IGF2BP2: variants seen among roughly 807,000 people sequenced by gnomAD.
IGF2BP2 encodes the protein insulin-like growth factor 2 mRNA-binding protein 2.
A neutral mutation model predicts 75.8 loss-of-function variants in IGF2BP2; 17 were observed. The observed-to-expected ratio is 0.22, with a 90% CI of 0.15 to 0.34. The LOEUF (loss-of-function observed/expected upper bound fraction) is 0.34, where lower values mean the gene tolerates loss of function less well. Ranked by LOEUF, IGF2BP2 falls within the 10% of genes least tolerant of loss-of-function variation. The pLI is 1.00. For synonymous variants in IGF2BP2, 288 were observed against 295.6 expected (o/e 0.97, Z 0.26); for missense variants, 516 against 772.4 (o/e 0.67, Z 3.93).
intron 2 of IGF2BP2, among the ~76,000 whole-genome samples, chr3:185,747,053 C>T (rs2149601971): frequency 6.6e-6 from 1 of 152,152 alleles, no homozygotes; most frequent in South Asian, 2.1e-4. Flanking sequence ...ACCTAGAAAA[C>T]TCCAAAACGA....
chr3:185,739,927 G>C (rs13077371), intron 2 of IGF2BP2, among the ~76,000 whole-genome samples: 110,618 of 143,432 alleles, frequency 0.77, 42,942 homozygotes, highest in African/African-American at 0.87. Context: ...ACAAATGCAG[G>C]TCACTGCAGC....
In IGF2BP2 at chr3:185,706,620, A is replaced by G. The variant is rs549699562; in HGVS notation, c.240-8273T>C. On this transcript the variant is annotated intron_variant, in intron 2 of 15. Transcript: ENST00000382199. ...GGATTCTATAAATCTTTTGGACAGA[A>G]TTGTAACAGGAAGGTTAAAACCATT... Among the ~76,000 whole-genome samples, 6 of 152,318 alleles carry G rather than the reference A, an allele frequency of 3.9e-5. No homozygotes were observed. The South Asian group carries it at 1.2e-3, about 32-fold the overall frequency.
Position 185,729,306 on chromosome 3 carries a change from A to C in IGF2BP2, c.240-30959T>G, listed in dbSNP as rs60293580. 1.2e-3 allele frequency among the ~76,000 whole-genome samples: 180 copies of C among 152,312 alleles called. 4 individuals are homozygous for C. The East Asian group carries it at 0.032, about 27-fold the overall frequency. On this transcript the variant is annotated intron_variant, in intron 2 of 15. Transcript: ENST00000382199. ...GTATGTCATTTGTACTTGACAGAAC[A>C]GACAGACAGTGATGACCATTCAGAT...
At chr3:185,821,638 T>A (rs1459775103) in intron 2 of IGF2BP2, among the ~76,000 whole-genome samples, 1 of 136,414 alleles carries the variant, frequency 7.3e-6, no homozygotes, top group Admixed American at 7.3e-5. Flanking sequence ...ATTCTAGTAA[T>A]TTTTTTTTTT....
intron 2 of IGF2BP2, among the ~76,000 whole-genome samples, chr3:185,757,459 C>CTT (rs57417087): frequency 0.012 from 1,155 of 99,490 alleles, 5 homozygotes; most frequent in Middle Eastern, 0.03. Flanking sequence ...ATATCTCATA[C>CTT]TTTTTTTTTT....
At position 185,643,269 on chromosome 3, in the gene IGF2BP2, G is replaced by A. The variant is rs867667992; in HGVS notation, c.*2262C>T. On this transcript the variant is annotated 3_prime_UTR_variant, in exon 16 of 16. Transcript: ENST00000382199. ...TGAAGTGCCTCTTCCCGGAACTGCC[G>A]GGCATATTATCCTCCCCCTTTCCTC... 4.6e-5 allele frequency among the ~76,000 whole-genome samples: 7 copies of A among 152,256 alleles called. No individual in the cohort carries two copies. Among genetic ancestry groups the A allele is most frequent in the East Asian group, 1.9e-4 (1 of 5,174 alleles).
At chr3:185,822,279 C>T (rs550837232) in intron 2 of IGF2BP2, among the ~76,000 whole-genome samples, 14 of 152,248 alleles carry the variant, frequency 9.2e-5, no homozygotes, top group Middle Eastern at 3.4e-3. Flanking sequence ...AGTCCAGCTA[C>T]TTAATGACTA....
At chr3:185,677,062 TATATATAGAGAGAGAGAGAG>T in intron 7 of IGF2BP2, among the ~76,000 whole-genome samples, 1 of 50,338 alleles carries the variant, frequency 2.0e-5, no homozygotes, top group South Asian at 6.0e-4. Flanking sequence ...TATATATATA[TATATATAGAGAGAGAGAGAG>T]AGAGAGAGAG....
At chr3:185,676,169 G>A (rs1719317747) in intron 7 of IGF2BP2, among the ~76,000 whole-genome samples, 1 of 151,870 alleles carries the variant, frequency 6.6e-6, no homozygotes. Flanking sequence ...GGCCAATGAG[G>A]GTATTACAAG....
At chr3:185,695,763 T>C (rs542241837) in intron 4 of IGF2BP2, among the ~76,000 whole-genome samples, 1 of 152,322 alleles carries the variant, frequency 6.6e-6, no homozygotes, top group East Asian at 1.9e-4. Flanking sequence ...GTTCTCAAAC[T>C]TGAGTGTACA....
chr3:185,663,638 A>C (rs905661452), intron 10 of IGF2BP2, among the ~76,000 whole-genome samples: 4 of 152,174 alleles, frequency 2.6e-5, no homozygotes, highest in Non-Finnish European at 4.4e-5. Context: ...GGGAGGAGTG[A>C]AGGGTGGGAA....
At chr3:185,697,802 T>C (rs1010722256) in intron 3 of IGF2BP2, among the ~76,000 whole-genome samples, 13 of 151,968 alleles carry the variant, frequency 8.6e-5, no homozygotes, top group Admixed American at 2.6e-4. Flanking sequence ...CTGGACAACA[T>C]AGCAAAACCT....
At chr3:185,725,093 A>G (rs1447034876) in intron 2 of IGF2BP2, 1 of 152,158 alleles carries the variant, frequency 6.6e-6, no homozygotes, top group Non-Finnish European at 1.5e-5. Flanking sequence ...TTAGATGTCA[A>G]TTCACCCCAG....
In IGF2BP2 at chr3:185,647,227, A is replaced by T; in HGVS notation, c.1594-89T>A. The T allele has an allele frequency of 1.1e-6, 1 of 918,676 alleles. No individual in the cohort carries two copies. The highest frequency in any genetic ancestry group is 1.8e-6 in the Non-Finnish European group (1 of 550,230). The allele number at this position is 918,676 out of a possible 1,614,324, so 56.9% of individuals were successfully genotyped here. A position where few individuals can be genotyped will look rare whatever the true frequency, so the allele number is the denominator to read the frequency against. On this transcript the variant is annotated intron_variant, in intron 14 of 15. Transcript: ENST00000382199. This position sits in a 1 kb window ranked among gnomAD's most constrained non-coding sequence, Gnocchi z 4.9. ...GACGGAGTGAGGGGCCAAGAGGTGG[A>T]GCAGGGGAAGGAGGGGGGCTGGACT... is the stretch of plus-strand genomic sequence containing the variant.
intron 2 of IGF2BP2, among the ~76,000 whole-genome samples, chr3:185,712,226 TAAG>T (rs1232478816): frequency 6.6e-6 from 1 of 152,198 alleles, no homozygotes; most frequent in East Asian, 1.9e-4. Context: ...CCATACTTAC[TAAG>T]AATACCTTTT....
chr3:185,728,468 C>T (rs2149500169), intron 2 of IGF2BP2: 1 of 152,286 alleles, frequency 6.6e-6, no homozygotes, highest in East Asian at 1.9e-4. Context: ...GGTAAAATGA[C>T]AATGGTGGAC....
At chr3:185,697,125 G>A (rs763549913) in intron 3 of IGF2BP2, among the ~76,000 whole-genome samples, 9 of 152,098 alleles carry the variant, frequency 5.9e-5, no homozygotes, top group Non-Finnish European at 1.0e-4. Flanking sequence ...GTTTGAGATG[G>A]AGTCTCCCTC....
chr3:185,768,977 A>G (rs912142351), intron 2 of IGF2BP2, among the ~76,000 whole-genome samples: 1 of 152,190 alleles, frequency 6.6e-6, no homozygotes, highest in Non-Finnish European at 1.5e-5. Context: ...CAGTGAGCTG[A>G]GATTACGCCA....
intron 2 of IGF2BP2, among the ~76,000 whole-genome samples, chr3:185,761,839 G>A (rs2149697207): frequency 6.6e-6 from 1 of 152,340 alleles, no homozygotes; most frequent in East Asian, 1.9e-4. Context: ...TTCAGAACGT[G>A]AAAGCACAAT....
Sources: allele counts gnomAD v4.1 joint callset (sites outside exome capture counted in the v4.1 genomes callset), GRCh38; gene constraint gnomAD v4.1.1; non-coding constraint Gnocchi (gnomAD v3.1); transcripts MANE v1.5; gene names NCBI Gene and HGNC (gene_info 2026-07-23, HGNC 2026-07-21).